The following SIL1 variants were observed in gnomAD, a reference collection of about 807,000 sequenced individuals.
SIL1 encodes the protein SIL1 nucleotide exchange factor, also known as nucleotide exchange factor SIL1.
In SIL1, 40 loss-of-function variants were observed where a neutral mutation model predicts 49.1. The observed-to-expected ratio is 0.81, with a 90% confidence interval of 0.63 to 1.06. The LOEUF (loss-of-function observed/expected upper bound fraction) is 1.06, where lower values mean the gene tolerates loss of function less well. SIL1 is among the 50% of genes least tolerant of loss of function. SIL1 has a pLI of 0.00. For synonymous variants in SIL1, 253 were observed against 250.8 expected (o/e 1.01, Z -0.08); for missense variants, 500 against 572.6 (o/e 0.87, Z 1.29).
At chr5:139,102,798 T>C (rs1474284260) in intron 3 of SIL1, among the ~76,000 whole-genome samples, 1 of 151,018 alleles carries the variant, frequency 6.6e-6, no homozygotes, top group Admixed American at 6.6e-5. Context: ...CACCGCAACC[T>C]CCGCCTCCCA....
At chr5:139,169,689 G>A (rs1465944195) in intron 1 of SIL1, among the ~76,000 whole-genome samples, 4 of 151,798 alleles carry the variant, frequency 2.6e-5, no homozygotes, top group Non-Finnish European at 5.9e-5. Context: ...CACCATATTG[G>A]CCAGTCTGGT....
At chr5:139,012,905 G>C (rs1343291146) in intron 7 of SIL1, 1 of 152,226 alleles carries the variant, frequency 6.6e-6, no homozygotes. Context: ...AGTAAGCCGT[G>C]TTTGCACCAC....
At chr5:139,184,023 G>A (rs1023461939) in intron 1 of SIL1, among the ~76,000 whole-genome samples, 3 of 152,186 alleles carry the variant, frequency 2.0e-5, no homozygotes, top group East Asian at 1.9e-4. Context: ...TCTCCTAAAA[G>A]GTATTGCCCC....
In SIL1 at chr5:138,947,312, C is replaced by T; in HGVS notation, c.1191G>A (p.Val397=). The T allele has an allele frequency of 1.9e-6, 3 of 1,613,574 alleles. No homozygotes were observed. Among genetic ancestry groups the T allele is most frequent in the Non-Finnish European group, 1.7e-6 (2 of 1,180,034 alleles). The change falls in exon 10 of 10, where the codon GTG becomes GTA. Residue 397 remains valine, a synonymous_variant. Transcript: ENST00000394817. The surrounding 1 kb of genome is among the most constrained non-coding windows in gnomAD (Gnocchi z 4.1). ...ALPEHDAREK[V]LQTLGVLLTT... is the part of the protein sequence containing the mutation. ...TCAGGAGGACGCCCAGTGTCTGCAG[C>T]ACCTTCTCACGGGCATCATGCTCGG...
intron 1 of SIL1, among the ~76,000 whole-genome samples, chr5:139,159,040 C>T (rs189890132): frequency 6.6e-6 from 1 of 151,556 alleles, no homozygotes; most frequent in African/African-American, 2.4e-5. Flanking sequence ...TTCCCCCTGG[C>T]AACAGGGCTA....
At chr5:138,997,283 A>T (rs188654033) in intron 7 of SIL1, among the ~76,000 whole-genome samples, 7 of 152,266 alleles carry the variant, frequency 4.6e-5, no homozygotes, top group African/African-American at 1.4e-4. Flanking sequence ...TTAAGTCTGT[A>T]ATCCATTTTG....
rs1332044641 is a variant in SIL1 at position 138,992,333 on chromosome 5, T to C, written c.767+28838A>G. Among the ~76,000 whole-genome samples, 10 of 152,340 alleles carry C rather than the reference T, an allele frequency of 6.6e-5. No homozygotes were observed. The East Asian group carries it at 1.9e-3, about 29-fold the overall frequency. ...TCAAACTATAGAAAGAACATGGGCT[T>C]TGACATCAATGCTTTAGGTTTGAAG... is the stretch of plus-strand genomic sequence containing the variant. On this transcript the variant is annotated intron_variant, in intron 7 of 9. Transcript: ENST00000394817.
At chr5:139,198,067 G>C (rs1195706838) in intron 1 of SIL1, among the ~76,000 whole-genome samples, 2 of 152,226 alleles carry the variant, frequency 1.3e-5, no homozygotes, top group Non-Finnish European at 2.9e-5. Flanking sequence ...GAGACATTCT[G>C]AGTGGGAAAG....
chr5:139,028,477 G>A (rs1356733879), intron 5 of SIL1, among the ~76,000 whole-genome samples: 1 of 151,684 alleles, frequency 6.6e-6, no homozygotes, highest in Non-Finnish European at 1.5e-5. Flanking sequence ...CAGCCTAAGC[G>A]ACAGAGCGAG....
chr5:139,080,572 T>C (rs911934249), intron 3 of SIL1, among the ~76,000 whole-genome samples: 2 of 152,230 alleles, frequency 1.3e-5, no homozygotes, highest in Non-Finnish European at 2.9e-5. Context: ...ACACCACTTG[T>C]ATGTCCTCAA....
chr5:139,024,308 T>C (rs977527508), intron 6 of SIL1, among the ~76,000 whole-genome samples: 3 of 152,226 alleles, frequency 2.0e-5, no homozygotes, highest in East Asian at 3.8e-4. Flanking sequence ...TCTTGGTTTT[T>C]ACCCTGGAGA....
intron 1 of SIL1, among the ~76,000 whole-genome samples, chr5:139,157,374 G>A (rs778609294): frequency 8.5e-5 from 13 of 152,098 alleles, no homozygotes; most frequent in Admixed American, 1.3e-4. Flanking sequence ...ATCAGACCAC[G>A]AGTAATTCAG....
intron 1 of SIL1, chr5:139,128,065 A>G: frequency 1.7e-6 from 1 of 582,096 alleles, no homozygotes; most frequent in Middle Eastern, 4.2e-4. Flanking sequence ...GGGTAGAACC[A>G]TACAGTCGAT....
intron 3 of SIL1, among the ~76,000 whole-genome samples, chr5:139,113,899 T>C (rs1266688567): frequency 3.3e-5 from 5 of 152,236 alleles, no homozygotes; most frequent in Non-Finnish European, 7.3e-5. Context: ...GACATTTGGG[T>C]GTCCCAACCT....
At chr5:139,037,642 G>A (rs1048259280) in intron 5 of SIL1, among the ~76,000 whole-genome samples, 1 of 152,036 alleles carries the variant, frequency 6.6e-6, no homozygotes, top group African/African-American at 2.4e-5. Flanking sequence ...AGCCTATCTG[G>A]TGACTTTTAA....
intron 3 of SIL1, 147 bp downstream of exon 3, chr5:139,120,888 A>G (rs933872617): frequency 2.1e-6 from 2 of 971,738 alleles, no homozygotes; most frequent in Admixed American, 4.6e-5. Context: ...TGAGCCCTGC[A>G]GCAGCAGCTA....
At chr5:139,060,633 C>T (rs899222965) in intron 3 of SIL1, among the ~76,000 whole-genome samples, 2 of 151,974 alleles carry the variant, frequency 1.3e-5, no homozygotes, top group African/African-American at 2.4e-5. Context: ...TCCCATTGTA[C>T]ACTTTAAATA....
At chr5:138,992,182 C>A (rs1305321965) in intron 7 of SIL1, among the ~76,000 whole-genome samples, 4 of 152,168 alleles carry the variant, frequency 2.6e-5, no homozygotes, top group Non-Finnish European at 5.9e-5. Flanking sequence ...CTGCTCCCTC[C>A]CTATCATTAC....
chr5:139,049,807 A>C (rs1769247586), intron 4 of SIL1, among the ~76,000 whole-genome samples: 2 of 152,014 alleles, frequency 1.3e-5, no homozygotes, highest in South Asian at 4.1e-4. Context: ...AAAAAAAAAA[A>C]AAAAATCATC....
Sources: allele counts gnomAD v4.1 joint callset (sites outside exome capture counted in the v4.1 genomes callset), GRCh38; gene constraint gnomAD v4.1.1; non-coding constraint Gnocchi (gnomAD v3.1); transcripts MANE v1.5; gene names NCBI Gene and HGNC (gene_info 2026-07-23, HGNC 2026-07-21).